Variants in JAKMIP1 observed in about 807,000 individuals in gnomAD.
JAKMIP1 encodes janus kinase and microtubule interacting protein 1.
In JAKMIP1, 33 loss-of-function variants were observed where a neutral mutation model predicts 113.0. The observed-to-expected ratio is 0.29, with a 90% CI of 0.22 to 0.39. The LOEUF (loss-of-function observed/expected upper bound fraction) is 0.39. Among genes scored for constraint, JAKMIP1 ranks in the 10% least tolerant of loss-of-function variants. JAKMIP1 has a pLI of 1.00. For missense variants in JAKMIP1, 813 were observed against 1,080.5 expected, an observed-to-expected ratio of 0.75 and a Z score of 3.47; for synonymous variants, 480 against 459.9, an observed-to-expected ratio of 1.04 and a Z score of -0.56.
intron 1 of JAKMIP1, among the ~76,000 whole-genome samples, chr4:6,161,594 G>A (rs1722964626): frequency 6.6e-6 from 1 of 152,064 alleles, no homozygotes; most frequent in African/African-American, 2.4e-5. Context: ...GAGAGCTGGT[G>A]TACAAGCAAG....
chr4:6,121,857 AT>A (rs1320074194), intron 1 of JAKMIP1, among the ~76,000 whole-genome samples: 1 of 152,226 alleles, frequency 6.6e-6, no homozygotes, highest in Non-Finnish European at 1.5e-5. Context: ...TGTGGACCAG[AT>A]TTGACCTGTG....
rs1223065118 is a variant in JAKMIP1, at chr4:6,064,418, A to C, written c.1431+462T>G. Reference sequence around the variant, plus strand: ...GGGTGATGGGACTTCAGGGCTCTTCACCTTCTTCTTTATATATTTTTGGAT... The same window carrying C: ...GGGTGATGGGACTTCAGGGCTCTTCCCCTTCTTCTTTATATATTTTTGGAT... On this transcript the variant is annotated intron_variant, in intron 9 of 20. Transcript: ENST00000409021. This position sits in a 1 kb window ranked among gnomAD's most constrained non-coding sequence, Gnocchi z 4.3. 1.3e-5 allele frequency among the ~76,000 whole-genome samples: 2 copies of C among 152,058 alleles called. No homozygotes were observed. The highest frequency in any genetic ancestry group is 4.8e-5 in the African/African-American group (2 of 41,392).
Position 6,064,808 on chromosome 4 carries a change from C to T in JAKMIP1, c.1431+72G>A. ...ATAGGCAAGGGAGCGAAACTTGCAA[C>T]TATCAAAAGCAGGAGGTGCCGCCCC... On this transcript the variant is annotated intron_variant, in intron 9 of 20. Coordinates refer to ENST00000409021, the MANE Select transcript of JAKMIP1 (RefSeq NM_001099433.2). This position sits in a 1 kb window ranked among gnomAD's most constrained non-coding sequence, Gnocchi z 4.3. 1 of 1,599,798 alleles carries T rather than the reference C, an allele frequency of 6.3e-7. No individual in the cohort carries two copies. The highest frequency in any genetic ancestry group is 8.5e-7 in the Non-Finnish European group (1 of 1,170,652).
rs10003775 is a variant in JAKMIP1 at position 6,178,606 on chromosome 4, A to C, written c.-148+21647T>G. On this transcript the variant is annotated intron_variant, in intron 1 of 20. Transcript: ENST00000409021. The surrounding 1 kb of genome is among the most constrained non-coding windows in gnomAD (Gnocchi z 5.5). The stretch of plus-strand genomic sequence containing the variant: ...GCATCTCCTTGATACCGCCAGGTGA[A>C]GAAGGACGTGTTTGCTTCCCCTAAT... Among the ~76,000 whole-genome samples the C allele has an allele frequency of 0.033, 5,072 of 152,292 alleles. 109 individuals carry two copies. Among genetic ancestry groups the C allele is most frequent in the African/African-American group, 0.06 (2,473 of 41,554 alleles).
At chr4:6,119,920 T>C (rs1048190412) in intron 1 of JAKMIP1, among the ~76,000 whole-genome samples, 1 of 152,200 alleles carries the variant, frequency 6.6e-6, no homozygotes, top group Admixed American at 6.5e-5. Context: ...CATGGCCTGA[T>C]AGTTTTATAG....
chr4:6,127,019 CCA>C (rs143566821), intron 1 of JAKMIP1, among the ~76,000 whole-genome samples: 2 of 150,856 alleles, frequency 1.3e-5, no homozygotes, highest in Non-Finnish European at 3.0e-5. Flanking sequence ...ACCACATATG[CCA>C]CACACACACA....
intron 1 of JAKMIP1, among the ~76,000 whole-genome samples, chr4:6,126,285 AAC>A (rs1179875245): frequency 1.0e-4 from 13 of 128,460 alleles, no homozygotes; most frequent in East Asian, 2.5e-4. Context: ...ACCATGCAGA[AAC>A]ACACACACAC....
intron 1 of JAKMIP1, among the ~76,000 whole-genome samples, chr4:6,196,433 C>T (rs570818429): frequency 4.6e-5 from 7 of 152,322 alleles, no homozygotes; most frequent in Admixed American, 2.0e-4. Context: ...TTTCTGAAGG[C>T]ATCCAGGGCT....
intron 1 of JAKMIP1, among the ~76,000 whole-genome samples, chr4:6,198,773 C>G (rs1728111940): frequency 6.6e-6 from 1 of 152,216 alleles, no homozygotes; most frequent in Admixed American, 6.5e-5. Context: ...ACTCTATCCC[C>G]GAATGTGTCC....
chr4:6,148,728 A>G (rs1721185227), intron 1 of JAKMIP1, among the ~76,000 whole-genome samples: 1 of 151,872 alleles, frequency 6.6e-6, no homozygotes, highest in Admixed American at 6.6e-5. Flanking sequence ...TGTGCCTCCA[A>G]CTCCCACCCG....
rs1728330142 is a variant in JAKMIP1, at chr4:6,200,545, T to A, written c.-440A>T. The A allele has an allele frequency of 1.3e-5, 2 of 148,256 alleles. No individual in the cohort carries two copies. Among genetic ancestry groups the A allele is most frequent in the Admixed American group, 1.3e-4 (2 of 14,992 alleles). The allele number at this position is 148,256 out of a possible 1,614,324, so 9.2% of individuals were successfully genotyped here. A position where few individuals can be genotyped will look rare whatever the true frequency, so the allele number is the denominator to read the frequency against. Reference sequence around the variant, plus strand: ...GCGGCCGGCGCGTGCCGCACGCGGGTGGCTGCAGCTCCCTCGGTCGCCCGC... The same window carrying A: ...GCGGCCGGCGCGTGCCGCACGCGGGAGGCTGCAGCTCCCTCGGTCGCCCGC... On this transcript the variant is annotated 5_prime_UTR_variant, in exon 1 of 21. Coordinates refer to ENST00000409021, the MANE Select transcript of JAKMIP1 (RefSeq NM_001099433.2). The surrounding 1 kb of genome is among the most constrained non-coding windows in gnomAD (Gnocchi z 7.0).
chr4:6,090,655 C>T (rs966216484), intron 3 of JAKMIP1, among the ~76,000 whole-genome samples: 4 of 152,114 alleles, frequency 2.6e-5, no homozygotes, highest in South Asian at 2.1e-4. Flanking sequence ...TCATGTTGAC[C>T]GTAACCACCT....
chr4:6,083,052 A>G (rs941986478), intron 5 of JAKMIP1, among the ~76,000 whole-genome samples: 8 of 152,224 alleles, frequency 5.3e-5, no homozygotes. Context: ...TAAGGTATTT[A>G]TTTAAACATT....
rs74435151 is a variant in JAKMIP1, at chr4:6,097,088, A to G, written c.624+8385T>C. ...ATGATCGTAGGTCACAGTAGCCTCA[A>G]TCTGCTGGCTTCAAGCAATCCTCCC... On this transcript the variant is annotated intron_variant, in intron 3 of 20. Coordinates refer to ENST00000409021, the MANE Select transcript of JAKMIP1 (RefSeq NM_001099433.2). The surrounding 1 kb of genome is among the most constrained non-coding windows in gnomAD (Gnocchi z 4.3). Among the ~76,000 whole-genome samples, 2 of 152,116 alleles carry G rather than the reference A, an allele frequency of 1.3e-5. No individual in the cohort carries two copies. Among genetic ancestry groups the G allele is most frequent in the African/African-American group, 2.4e-5 (1 of 41,416 alleles).
chr4:6,029,845 A>T (rs1163163161), intron 19 of JAKMIP1, 64 bp from the exon 20 acceptor site: 2 of 1,161,810 alleles, frequency 1.7e-6, no homozygotes, highest in African/African-American at 1.5e-5. Context: ...CTCTGTTTTT[A>T]TTTTTTATTG....
intron 20 of JAKMIP1, among the ~76,000 whole-genome samples, chr4:6,028,148 G>C (rs373390306): frequency 5.1e-4 from 78 of 152,364 alleles, no homozygotes; most frequent in Admixed American, 1.1e-3. Context: ...ACCTGGGCAA[G>C]GCCAGAGGAG....
chr4:6,169,640 T>TGTGA (rs1553860194), intron 1 of JAKMIP1, among the ~76,000 whole-genome samples: 1 of 147,062 alleles, frequency 6.8e-6, no homozygotes, highest in Non-Finnish European at 1.5e-5. Context: ...TGTGTGTGTG[T>TGTGA]GAATTATTTT....
rs923325862 is a variant in JAKMIP1, at chr4:6,137,415, G to A, written c.-147-24418C>T. Among the ~76,000 whole-genome samples the A allele has an allele frequency of 1.9e-4, 29 of 152,192 alleles. 1 individual carries two copies. The highest frequency in any genetic ancestry group is 1.3e-4 in the Admixed American group (2 of 15,280). On this transcript the variant is annotated intron_variant, in intron 1 of 20. Coordinates refer to ENST00000409021, the MANE Select transcript of JAKMIP1 (RefSeq NM_001099433.2). This position sits in a 1 kb window ranked among gnomAD's most constrained non-coding sequence, Gnocchi z 4.5. The stretch of plus-strand genomic sequence containing the variant: ...CAGGAAATTCACGGCTCTGGCCCAT[G>A]GAACCTTAATCACGTCACACCTGAT...
At chr4:6,149,196 A>G (rs1310889484) in intron 1 of JAKMIP1, among the ~76,000 whole-genome samples, 1 of 152,240 alleles carries the variant, frequency 6.6e-6, no homozygotes, top group Admixed American at 6.5e-5. Context: ...AAGCTTTTTA[A>G]CTACATACAA....
Sources: gnomAD v4.1 joint callset for allele counts (sites outside exome capture counted in the v4.1 genomes callset) on GRCh38, gnomAD v4.1.1 for gene constraint, Gnocchi (gnomAD v3.1) non-coding constraint, MANE v1.5 for transcripts, NCBI Gene and HGNC (gene_info 2026-07-23, HGNC 2026-07-21) for gene names.